The following MARCHF6 variants were observed in gnomAD, a reference collection of about 807,000 sequenced individuals.
MARCHF6 encodes E3 ubiquitin-protein ligase MARCHF6.
MARCHF6 carries 31 observed loss-of-function variants against 133.7 expected under a neutral mutation model. The observed-to-expected ratio is 0.23, with a 90% confidence interval of 0.17 to 0.31. MARCHF6 has a LOEUF of 0.31. Among genes scored for constraint, MARCHF6 ranks in the 10% least tolerant of loss-of-function variants. The pLI, the probability that MARCHF6 is intolerant of heterozygous loss-of-function variation, is 1.00. For missense variants in MARCHF6, 723 were observed against 1,121.6 expected (o/e 0.64, Z 5.08); for synonymous variants, 395 against 402.5 (o/e 0.98, Z 0.22).
intron 22 of MARCHF6, among the ~76,000 whole-genome samples, chr5:10,417,766 ATTATT>A (rs1329142337): frequency 6.6e-6 from 1 of 151,180 alleles, no homozygotes; most frequent in South Asian, 2.1e-4. Flanking sequence ...ATAATTTTTA[ATTATT>A]TTAGGTGATT....
chr5:10,411,265 T>G, intron 18 of MARCHF6, 68 bp from the exon 19 acceptor site: 2 of 1,214,932 alleles, frequency 1.6e-6, no homozygotes, highest in Non-Finnish European at 2.4e-6. Flanking sequence ...ATGAAGAAAA[T>G]GAGTGTCATG....
rs983496544 is a variant in MARCHF6 at position 10,438,542 on chromosome 5, C to T, written c.*4858C>T. The T allele has an allele frequency of 6.6e-6, 1 of 152,186 alleles. No homozygotes were observed. Among genetic ancestry groups the T allele is most frequent in the African/African-American group, 2.4e-5 (1 of 41,452 alleles). The allele number at this position is 152,186 out of a possible 1,614,324, so 9.4% of individuals were successfully genotyped here. On this transcript the variant is annotated 3_prime_UTR_variant, in exon 26 of 26. Coordinates refer to ENST00000274140, the MANE Select transcript of MARCHF6 (RefSeq NM_005885.4). ...TTCCGCTCCACAGTTCATAGCTACT[C>T]TTGTTGCAAACATGTAGTGATAAGG... is the stretch of plus-strand genomic sequence containing the variant.
chr5:10,426,620 T>C, intron 24 of MARCHF6, 98 bp downstream of exon 24: 3 of 1,281,298 alleles, frequency 2.3e-6, no homozygotes, highest in Non-Finnish European at 3.2e-6. Flanking sequence ...TCCATATGCT[T>C]TATTTGTAAA....
chr5:10,397,427 T>C, intron 10 of MARCHF6, 83 bp downstream of exon 10: 1 of 1,050,970 alleles, frequency 9.5e-7, no homozygotes, highest in Admixed American at 2.5e-5. Context: ...GGTTTATTAT[T>C]ATTTTTTAAC....
chr5:10,365,035 T>C (rs1216455331), intron 1 of MARCHF6, among the ~76,000 whole-genome samples: 1 of 152,044 alleles, frequency 6.6e-6, no homozygotes, highest in East Asian at 1.9e-4. Flanking sequence ...ACTCCTGACC[T>C]CAGTTGATCT....
chr5:10,367,495 GAAGGT>G (rs1736206955), intron 1 of MARCHF6, among the ~76,000 whole-genome samples: 2 of 152,168 alleles, frequency 1.3e-5, no homozygotes, highest in African/African-American at 4.8e-5. Flanking sequence ...TTTAACACCA[GAAGGT>G]AAGTGGAGAG....
chr5:10,439,515 G>C lies in MARCHF6; in HGVS notation c.*5831G>C, dbSNP rs562769150. ...GAACAAAAAGACAAGCTGTAGAGTG[G>C]CAGAAAAATATTTGCAAAACATTTC... On this transcript the variant is annotated 3_prime_UTR_variant, in exon 26 of 26. Coordinates refer to ENST00000274140, the MANE Select transcript of MARCHF6 (RefSeq NM_005885.4). The C allele has an allele frequency of 2.6e-5, 4 of 152,296 alleles. No individual in the cohort carries two copies. The East Asian group carries it at 7.7e-4, about 29-fold the overall frequency. The allele number at this position is 152,296 out of a possible 1,614,324, so 9.4% of individuals were successfully genotyped here.
At chr5:10,409,604 G>A (rs933918530) in intron 17 of MARCHF6, among the ~76,000 whole-genome samples, 1 of 152,222 alleles carries the variant, frequency 6.6e-6, no homozygotes, top group Non-Finnish European at 1.5e-5. Flanking sequence ...GGAGCTCTTG[G>A]AAAGCTTTGA....
chr5:10,417,712 C>A (rs1195657626), intron 22 of MARCHF6, among the ~76,000 whole-genome samples: 9 of 108,160 alleles, frequency 8.3e-5, no homozygotes, highest in Non-Finnish European at 1.2e-4. Flanking sequence ...GTAAGAGCCT[C>A]TGTCCAAAAA....
At chr5:10,409,710 C>G (rs1001925323) in intron 17 of MARCHF6, among the ~76,000 whole-genome samples, 1 of 152,128 alleles carries the variant, frequency 6.6e-6, no homozygotes, top group African/African-American at 2.4e-5. Context: ...AAACAGGAAG[C>G]CAGCTGGGAG....
chr5:10,426,365 C>T (rs766660579), intron 23 of MARCHF6, 25 bp from the exon 24 acceptor site: 1 of 1,610,560 alleles, frequency 6.2e-7, no homozygotes, highest in Non-Finnish European at 8.5e-7. Flanking sequence ...TATCTTTGTT[C>T]TAATTGCTTT....
chr5:10,431,241 G>A (rs986721179), intron 25 of MARCHF6, among the ~76,000 whole-genome samples: 28 of 152,114 alleles, frequency 1.8e-4, no homozygotes, highest in Non-Finnish European at 2.6e-4. Context: ...GAAGGGGAAG[G>A]GGTATTTTCA....
chr5:10,417,522 G>C, intron 22 of MARCHF6, 118 bp downstream of exon 22: 6 of 1,320,766 alleles, frequency 4.5e-6, no homozygotes, highest in Non-Finnish European at 6.4e-6. Flanking sequence ...GAGGTGGGAG[G>C]ACTGCTTGCA....
chr5:10,373,510 G>A (rs1736584655), intron 1 of MARCHF6, among the ~76,000 whole-genome samples: 1 of 152,110 alleles, frequency 6.6e-6, no homozygotes, highest in Non-Finnish European at 1.5e-5. Flanking sequence ...ATCATGGAAT[G>A]AGCCCACCAA....
chr5:10,411,531 A>C lies in MARCHF6; in HGVS notation c.1890A>C (p.Pro630=). The C allele has an allele frequency of 1.9e-6, 3 of 1,613,240 alleles. No homozygotes were observed. The highest frequency in any genetic ancestry group is 2.5e-6 in the Non-Finnish European group (3 of 1,179,586). The part of the protein sequence containing the change: ...FQPYRRPLNF[P]LRIFLLIVFM... The stretch of plus-strand genomic sequence containing the variant: ...CTTACCGCCGACCTTTAAATTTTCC[A>C]CTCAGGGTAGGTGCTATACAGACTT... The change falls in exon 19 of 26, where the codon CCA becomes CCC. Residue 630 remains proline, a synonymous_variant. Coordinates refer to ENST00000274140, the MANE Select transcript of MARCHF6 (RefSeq NM_005885.4).
chr5:10,364,787 G>A (rs986239153), intron 1 of MARCHF6, among the ~76,000 whole-genome samples: 2 of 152,258 alleles, frequency 1.3e-5, no homozygotes, highest in South Asian at 2.1e-4. Flanking sequence ...AAATGGTTTC[G>A]CTGTTTCTCT....
chr5:10,418,296 C>G (rs1236518443), intron 22 of MARCHF6, among the ~76,000 whole-genome samples: 1 of 150,984 alleles, frequency 6.6e-6, no homozygotes, highest in Non-Finnish European at 1.5e-5. Context: ...GGGAGGATCT[C>G]TTGAGCCTGG....
intron 9 of MARCHF6, among the ~76,000 whole-genome samples, chr5:10,395,040 C>A (rs558721508): frequency 1.3e-5 from 2 of 152,298 alleles, no homozygotes; most frequent in East Asian, 3.9e-4. Context: ...ACCTCGTGAT[C>A]TGCCCGCCTC....
At chr5:10,418,361 CAA>C (rs1739638364) in intron 22 of MARCHF6, among the ~76,000 whole-genome samples, 1 of 138,590 alleles carries the variant, frequency 7.2e-6, no homozygotes, top group Non-Finnish European at 1.5e-5. Flanking sequence ...GCCCGGGCGA[CAA>C]GAGTGAGACC....
Sources: allele counts gnomAD v4.1 joint callset (sites outside exome capture counted in the v4.1 genomes callset), GRCh38; gene constraint gnomAD v4.1.1; transcripts MANE v1.5; gene names NCBI Gene and HGNC (gene_info 2026-07-23, HGNC 2026-07-21).